The following CEP63 variants were observed in gnomAD, a reference collection of about 807,000 sequenced individuals.
CEP63 encodes the protein centrosomal protein 63.
In CEP63, 84 loss-of-function variants were observed where a neutral mutation model predicts 89.1. The ratio of observed to expected loss-of-function variants is 0.94; its 90% confidence interval spans 0.79 to 1.13. The LOEUF (loss-of-function observed/expected upper bound fraction) is 1.13. Ranked by LOEUF, CEP63 falls within the 50% of genes most tolerant of loss-of-function variation. The pLI is 0.00. For missense variants in CEP63, 838 were observed against 813.3 expected (o/e 1.03, Z -0.37); for synonymous variants, 267 against 272.5 (o/e 0.98, Z 0.20).
At chr3:134,508,393 G>A (rs1253891397) in intron 3 of CEP63, among the ~76,000 whole-genome samples, 1 of 152,172 alleles carries the variant, frequency 6.6e-6, no homozygotes, top group Non-Finnish European at 1.5e-5. Flanking sequence ...TGATGCAAAA[G>A]TACAGTGAAT....
In CEP63 at chr3:134,558,348, G is replaced by A. The variant is rs1396633264; in HGVS notation, c.1673+1G>A. 6.3e-7 allele frequency: 1 copy of A among 1,587,038 alleles called. No homozygotes were observed. Among genetic ancestry groups the A allele is most frequent in the South Asian group, 1.1e-5 (1 of 90,218 alleles). On this transcript the variant is annotated splice_donor_variant, in intron 13 of 14. Transcript: ENST00000675561. LOFTEE classifies it high-confidence loss of function. ...CTGAGTTCAAGAATACAGAGTTCAA[G>A]TAAAATTTTTTAAAAGTTTATTTAA... is the stretch of plus-strand genomic sequence containing the variant.
At chr3:134,713,205 T>C in the CEP63 span, among the ~76,000 whole-genome samples, 2 of 152,200 alleles carry the variant, frequency 1.3e-5, no homozygotes, top group African/African-American at 4.8e-5. Flanking sequence ...TCTCCCTCTT[T>C]CTTTTTGGCT....
chr3:134,636,087 GATAC>G, the CEP63 span, among the ~76,000 whole-genome samples: 1 of 152,230 alleles, frequency 6.6e-6, no homozygotes, highest in East Asian at 1.9e-4. Flanking sequence ...TGAACACTCA[GATAC>G]ATACATCTTT....
At chr3:134,736,585 A>C in the CEP63 span, among the ~76,000 whole-genome samples, 1 of 152,194 alleles carries the variant, frequency 6.6e-6, no homozygotes, top group Non-Finnish European at 1.5e-5. Flanking sequence ...TAAGGTATAA[A>C]AGAATAAATC....
At chr3:134,570,305 A>G (rs1319756893) in intron 11 of CEP63, among the ~76,000 whole-genome samples, 1 of 152,180 alleles carries the variant, frequency 6.6e-6, no homozygotes, top group African/African-American at 2.4e-5. Flanking sequence ...GATTTTCCAA[A>G]CTTTTATGCT....
At chr3:134,500,672 C>T (rs1440323600) in intron 2 of CEP63, among the ~76,000 whole-genome samples, 2 of 152,022 alleles carry the variant, frequency 1.3e-5, no homozygotes, top group Non-Finnish European at 2.9e-5. Context: ...TTTTGATTTG[C>T]ATTTCTCTGA....
At chr3:134,760,090 G>T in the CEP63 span, among the ~76,000 whole-genome samples, 1 of 136,214 alleles carries the variant, frequency 7.3e-6, no homozygotes, top group Non-Finnish European at 1.5e-5. Flanking sequence ...ACGGAGTCTC[G>T]CTCTGTCGCC....
chr3:134,545,188 C>T (rs1952993762), intron 6 of CEP63, among the ~76,000 whole-genome samples: 1 of 151,990 alleles, frequency 6.6e-6, no homozygotes, highest in East Asian at 1.9e-4. Context: ...TTAGTAGAGA[C>T]GGGTTTCACC....
chr3:134,500,124 CTTA>C (rs1249972212), intron 2 of CEP63, among the ~76,000 whole-genome samples: 1 of 152,118 alleles, frequency 6.6e-6, no homozygotes, highest in Non-Finnish European at 1.5e-5. Flanking sequence ...CCATGCCTGG[CTTA>C]TTATTCCCAT....
the CEP63 span, among the ~76,000 whole-genome samples, chr3:134,707,955 G>A: frequency 6.6e-6 from 1 of 151,988 alleles, no homozygotes; most frequent in Non-Finnish European, 1.5e-5. Flanking sequence ...AAGGGCTCAC[G>A]GTCTTTCACT....
At chr3:134,493,018 T>C (rs1294271466) in intron 1 of CEP63, among the ~76,000 whole-genome samples, 1 of 151,210 alleles carries the variant, frequency 6.6e-6, no homozygotes, top group Non-Finnish European at 1.5e-5. Flanking sequence ...TATTATTAAA[T>C]AGTCATAGAA....
intron 3 of CEP63, chr3:134,510,388 T>G (rs1944561528): frequency 5.2e-6 from 1 of 190,526 alleles, no homozygotes; most frequent in South Asian, 1.5e-4. Context: ...GTCTAACACC[T>G]GCAATCCACC....
At chr3:134,508,249 A>G (rs1443304981) in intron 3 of CEP63, among the ~76,000 whole-genome samples, 2 of 152,224 alleles carry the variant, frequency 1.3e-5, no homozygotes, top group Non-Finnish European at 2.9e-5. Flanking sequence ...ACTTGGGTCA[A>G]AGTAGTGCGT....
intron 9 of CEP63, among the ~76,000 whole-genome samples, chr3:134,548,756 A>G (rs1380257692): frequency 6.6e-6 from 1 of 152,044 alleles, no homozygotes; most frequent in Middle Eastern, 3.2e-3. Flanking sequence ...ACACACACAT[A>G]TTTTCTGCTT....
chr3:134,698,930 T>C, the CEP63 span, among the ~76,000 whole-genome samples: 1 of 152,218 alleles, frequency 6.6e-6, no homozygotes. Context: ...ACGTCCTGAA[T>C]AGATCTTTTT....
At chr3:134,547,215 A>G (rs749754942) in intron 8 of CEP63, 120 bp from the exon 9 acceptor site, 2 of 839,652 alleles carry the variant, frequency 2.4e-6, no homozygotes, top group Non-Finnish European at 4.0e-6. Flanking sequence ...ATAAAGCAGG[A>G]GACAAACTTG....
chr3:134,779,456 G>A, the CEP63 span, among the ~76,000 whole-genome samples: 1 of 152,166 alleles, frequency 6.6e-6, no homozygotes, highest in East Asian at 1.9e-4. Context: ...TGGCATACAT[G>A]TGCAAGGGCA....
At chr3:134,604,358 C>T in the CEP63 span, 64 of 1,613,926 alleles carry the variant, frequency 4.0e-5, no homozygotes, top group Non-Finnish European at 5.4e-5. Context: ...GGGTACACCT[C>T]CAACTTCATC....
intron 6 of CEP63, among the ~76,000 whole-genome samples, chr3:134,537,546 C>T (rs772814954): frequency 6.6e-6 from 1 of 152,294 alleles, no homozygotes; most frequent in Non-Finnish European, 1.5e-5. Flanking sequence ...CACCCACTCT[C>T]TGTCATTGTC....
Sources: allele counts gnomAD v4.1 joint callset (sites outside exome capture counted in the v4.1 genomes callset), GRCh38; gene constraint gnomAD v4.1.1; transcripts MANE v1.5; gene names NCBI Gene and HGNC (gene_info 2026-07-23, HGNC 2026-07-21).